The following SP110 variants were observed in gnomAD, a reference collection of about 807,000 sequenced individuals.
SP110 encodes SP110 nuclear body protein.
A neutral mutation model predicts 92.7 loss-of-function variants in SP110; 62 were observed. The ratio of observed to expected loss-of-function variants is 0.67; its 90% confidence interval spans 0.55 to 0.83. The LOEUF (loss-of-function observed/expected upper bound fraction) is 0.83. Ranked by LOEUF, SP110 falls within the 40% of genes least tolerant of loss-of-function variation. The pLI, the probability that SP110 is intolerant of heterozygous loss-of-function variation, is 0.00. For synonymous variants in SP110, 273 were observed against 305.3 expected (o/e 0.89, Z 1.10); for missense variants, 793 against 863.9 (o/e 0.92, Z 1.03).
intron 2 of SP110, among the ~76,000 whole-genome samples, chr2:230,215,776 C>A (rs1209920891): frequency 1.3e-5 from 2 of 152,212 alleles, no homozygotes; most frequent in African/African-American, 4.8e-5. Context: ...AGGGTAGGCA[C>A]TGTCAAGTGG....
At chr2:230,193,152 T>C (rs2148802031) in intron 10 of SP110, among the ~76,000 whole-genome samples, 1 of 152,328 alleles carries the variant, frequency 6.6e-6, no homozygotes, top group South Asian at 2.1e-4. Flanking sequence ...GTCTGTTTTA[T>C]CTGATATGAG....
intron 14 of SP110, chr2:230,173,368 A>C (rs1015419302): frequency 7.4e-6 from 2 of 269,806 alleles, no homozygotes; most frequent in Admixed American, 4.6e-5. Flanking sequence ...GAGTATGGGA[A>C]CTGTTGTTCC....
chr2:230,206,682 G>T (rs1199038844), intron 8 of SP110, among the ~76,000 whole-genome samples: 4 of 135,088 alleles, frequency 3.0e-5, no homozygotes, highest in African/African-American at 1.1e-4. Flanking sequence ...ATATTGTGGG[G>T]AATATAACTT....
Position 230,166,095 on chromosome 2 carries a change from C to T in SP110, c.*3029G>A, listed in dbSNP as rs3731725. Among the ~76,000 whole-genome samples, 113,984 of 151,860 alleles carry T rather than the reference C, an allele frequency of 0.75. 43,246 individuals are homozygous for T. The highest frequency in any genetic ancestry group is 0.81 in the Middle Eastern group (238 of 294). On this transcript the variant is annotated 3_prime_UTR_variant, in exon 19 of 19. Coordinates refer to ENST00000258381, the MANE Select transcript of SP110 (RefSeq NM_080424.4). ...TTTTAGTAGAGACGGGGTTTCACCA[C>T]GTTGGTCAGGCTGGTCTCGATCTCT...
At chr2:230,195,218 G>T (rs1432930253) in intron 10 of SP110, among the ~76,000 whole-genome samples, 1 of 152,016 alleles carries the variant, frequency 6.6e-6, no homozygotes, top group Non-Finnish European at 1.5e-5. Context: ...CTTTGAGAAG[G>T]CAAGAAAACC....
chr2:230,210,949 A>C (rs1025963376), intron 6 of SP110, among the ~76,000 whole-genome samples: 1 of 152,166 alleles, frequency 6.6e-6, no homozygotes, highest in Non-Finnish European at 1.5e-5. Flanking sequence ...TGGAAGGAGG[A>C]CCATCCATGT....
At chr2:230,172,681 G>A in intron 15 of SP110, 163 bp downstream of exon 15, 1 of 621,402 alleles carries the variant, frequency 1.6e-6, no homozygotes, top group Non-Finnish European at 2.9e-6. Flanking sequence ...GAAGCAGTGT[G>A]GGGCCAAGAG....
At chr2:230,190,978 G>A (rs1230929757) in intron 10 of SP110, among the ~76,000 whole-genome samples, 1 of 152,208 alleles carries the variant, frequency 6.6e-6, no homozygotes, top group East Asian at 1.9e-4. Flanking sequence ...ATTGTTCAAA[G>A]TCAGGTAGTG....
chr2:230,209,191 C>T (rs763955554), intron 7 of SP110, among the ~76,000 whole-genome samples: 3 of 152,092 alleles, frequency 2.0e-5, no homozygotes, highest in East Asian at 1.9e-4. Context: ...GTTGGGAAAT[C>T]GAGCCAGGTT....
Position 230,172,147 on chromosome 2 carries a change from C to T in SP110, c.1734G>A (p.Arg578=), listed in dbSNP as rs754118850. 8 of 1,612,938 alleles carry T rather than the reference C, an allele frequency of 5.0e-6. No homozygotes were observed. Among genetic ancestry groups the T allele is most frequent in the Non-Finnish European group, 6.8e-6 (8 of 1,178,842 alleles). ...GTTGGCTTCCTGAAGACCTCTTCAT[C>T]CTGCAGAAGGTGCAACTCCACAGCA... ...KRMLWSCTFC[R]MKRSSGSQQC... The change falls in exon 16 of 19, where the codon AGG becomes AGA. Residue 578 remains arginine (R), a synonymous_variant. Coordinates refer to ENST00000258381, the MANE Select transcript of SP110 (RefSeq NM_080424.4).
Position 230,172,920 on chromosome 2 carries a change from C to T in SP110, c.1630G>A (p.Gly544Arg). ...CAAGTACCGCAGCAGAGAAGTTGTCCCCCTTGACAGCACACCTCGCATTCA... is the reference window on the plus strand; with the variant it reads ...CAAGTACCGCAGCAGAGAAGTTGTCTCCCTTGACAGCACACCTCGCATTCA... ...SDECEVCCQGGQLLCCGTCPR... is the reference protein window; with the variant it reads ...SDECEVCCQGRQLLCCGTCPR... Residue 544 changes from glycine (G) to arginine (R), a missense_variant, in exon 15 of 19, where the codon GGA becomes AGA. Gly to Arg is a moderately radical substitution (Grantham distance 125). Coordinates refer to ENST00000258381, the MANE Select transcript of SP110 (RefSeq NM_080424.4). 6.2e-7 allele frequency: 1 copy of T among 1,614,140 alleles called. No homozygotes were observed. Among genetic ancestry groups the T allele is most frequent in the Non-Finnish European group, 8.5e-7 (1 of 1,179,996 alleles).
upstream of SP110, among the ~76,000 whole-genome samples, chr2:230,222,539 C>A (rs763955669): frequency 6.6e-5 from 10 of 151,998 alleles, no homozygotes; most frequent in Non-Finnish European, 1.5e-4. Flanking sequence ...GACAACAGAG[C>A]AAGACCTCGT....
intron 8 of SP110, chr2:230,203,016 T>G: frequency 2.3e-6 from 1 of 440,314 alleles, no homozygotes; most frequent in Non-Finnish European, 4.2e-6. Context: ...TGATTTTCGT[T>G]TGTGTCGGCC....
chr2:230,203,417 C>G (rs929921918), intron 8 of SP110: 1 of 153,816 alleles, frequency 6.5e-6, no homozygotes, highest in Non-Finnish European at 1.4e-5. Flanking sequence ...AGTGTGCAGC[C>G]ATGCTTCCCG....
upstream of SP110, among the ~76,000 whole-genome samples, chr2:230,221,298 AG>A (rs370296543): frequency 2.0e-5 from 3 of 151,754 alleles, no homozygotes; most frequent in Admixed American, 1.3e-4. Flanking sequence ...AAAAAAAAAA[AG>A]AATTCTATGT....
chr2:230,207,249 A>G (rs553264610), intron 8 of SP110, among the ~76,000 whole-genome samples: 29 of 152,296 alleles, frequency 1.9e-4, no homozygotes, highest in African/African-American at 6.7e-4. Context: ...GTTGTAGTCT[A>G]TTTTGAATAG....
chr2:230,168,966 G>T lies in SP110; in HGVS notation c.*158C>A, dbSNP rs2078358694. 1.6e-6 allele frequency: 1 copy of T among 642,988 alleles called. No individual in the cohort carries two copies. Among genetic ancestry groups the T allele is most frequent in the Non-Finnish European group, 2.8e-6 (1 of 351,592 alleles). 39.8% of individuals were successfully genotyped at this position (642,988 alleles called of 1,614,324 possible). A position where few individuals can be genotyped will look rare whatever the true frequency, so the allele number is the denominator to read the frequency against. On this transcript the variant is annotated 3_prime_UTR_variant, in exon 19 of 19. Transcript: ENST00000258381. ...ATAGACTTTTAAAGGTAAAAAGAAA[G>T]AATAAAGATGGAGGGTGTGATAATC...
intron 8 of SP110, among the ~76,000 whole-genome samples, chr2:230,204,404 T>C (rs1484233806): frequency 6.6e-6 from 1 of 152,182 alleles, no homozygotes; most frequent in African/African-American, 2.4e-5. Flanking sequence ...GCAGAGTACG[T>C]ATGTCTGCCC....
At chr2:230,182,887 A>G (rs1172341403) in intron 12 of SP110, among the ~76,000 whole-genome samples, 2 of 152,244 alleles carry the variant, frequency 1.3e-5, no homozygotes, top group East Asian at 3.8e-4. Context: ...CTATGAAAAC[A>G]GTGTGCTTAG....
Sources: gnomAD v4.1 joint callset for allele counts (sites outside exome capture counted in the v4.1 genomes callset) on GRCh38, gnomAD v4.1.1 for gene constraint, MANE v1.5 for transcripts, NCBI Gene and HGNC (gene_info 2026-07-23, HGNC 2026-07-21) for gene names.